Variants in ALK observed in about 807,000 individuals in gnomAD.
ALK encodes the protein ALK tyrosine kinase receptor.
Under a neutral mutation model 163.1 loss-of-function variants are expected in ALK, and 74 were observed. That is an observed-to-expected ratio of 0.45 (90% CI 0.38 to 0.55). The LOEUF (loss-of-function observed/expected upper bound fraction) is 0.55, where lower values mean the gene tolerates loss of function less well. Ranked by LOEUF, ALK falls within the 20% of genes least tolerant of loss-of-function variation. The probability of loss-of-function intolerance (pLI) is 0.00; values close to 1 mark genes in which losing one functional copy is unlikely to be tolerated. For synonymous variants in ALK, 960 were observed against 843.2 expected, an observed-to-expected ratio of 1.14 and a Z score of -2.40; for missense variants, 2,063 against 2,105.3, an observed-to-expected ratio of 0.98 and a Z score of 0.39.
intron 8 of ALK, among the ~76,000 whole-genome samples, chr2:29,314,800 T>C (rs376204770): frequency 1.3e-5 from 2 of 152,126 alleles, no homozygotes; most frequent in East Asian, 3.9e-4. Context: ...ACACGGGGCT[T>C]GTTGAGACAT....
At chr2:29,780,063 G>A (rs1681291168) in intron 1 of ALK, among the ~76,000 whole-genome samples, 2 of 152,220 alleles carry the variant, frequency 1.3e-5, no homozygotes, top group Admixed American at 1.3e-4. Context: ...AACACAGTGA[G>A]TATTGACTCT....
chr2:29,765,940 T>G, intron 1 of ALK, among the ~76,000 whole-genome samples: 1 of 152,206 alleles, frequency 6.6e-6, no homozygotes, highest in East Asian at 1.9e-4. Flanking sequence ...CTTGCGAGCT[T>G]ATGTGAGCTG....
chr2:29,774,897 G>C (rs1681129023), intron 1 of ALK, among the ~76,000 whole-genome samples: 1 of 152,070 alleles, frequency 6.6e-6, no homozygotes, highest in African/African-American at 2.4e-5. Context: ...TTACCAAAAG[G>C]GATGATTCTA....
chr2:29,358,901 G>A (rs1309133006), intron 5 of ALK, among the ~76,000 whole-genome samples: 5 of 151,990 alleles, frequency 3.3e-5, no homozygotes, highest in Non-Finnish European at 5.9e-5. Context: ...ATATACGTTC[G>A]TAAATGATTA....
intron 4 of ALK, among the ~76,000 whole-genome samples, chr2:29,508,096 G>A (rs1672387681): frequency 6.6e-6 from 1 of 152,168 alleles, no homozygotes; most frequent in African/African-American, 2.4e-5. Flanking sequence ...GGAGTGCACT[G>A]AGAAACTGCC....
chr2:29,734,337 C>T (rs2631957), intron 1 of ALK, among the ~76,000 whole-genome samples: 108,658 of 152,064 alleles, frequency 0.71, 40,091 homozygotes, highest in Middle Eastern at 0.82. Context: ...GACTGTCTAA[C>T]GTTTTCAGAT....
intron 1 of ALK, among the ~76,000 whole-genome samples, chr2:29,738,577 A>C (rs1406486983): frequency 6.6e-6 from 1 of 152,078 alleles, no homozygotes; most frequent in Non-Finnish European, 1.5e-5. Flanking sequence ...GACGAGGAGA[A>C]ATATGAGACG....
At chr2:29,791,815 G>A (rs1664197763) in intron 1 of ALK, among the ~76,000 whole-genome samples, 2 of 152,106 alleles carry the variant, frequency 1.3e-5, no homozygotes, top group African/African-American at 4.8e-5. Context: ...CCAAAAGACA[G>A]TCTTTGTCAT....
intron 8 of ALK, among the ~76,000 whole-genome samples, chr2:29,303,092 G>T (rs1666414904): frequency 1.3e-5 from 2 of 152,102 alleles, no homozygotes; most frequent in African/African-American, 2.4e-5. Flanking sequence ...CCTACAGAAT[G>T]GGAGAAAATA....
rs2148121933 is a variant in ALK at position 29,486,566 on chromosome 2, A to T, written c.1154+45349T>A. Among the ~76,000 whole-genome samples, 3 of 152,350 alleles carry T rather than the reference A, an allele frequency of 2.0e-5. No homozygotes were observed. The Middle Eastern group carries it at 0.01, about 518-fold the overall frequency. On this transcript the variant is annotated intron_variant, in intron 4 of 28. Coordinates refer to ENST00000389048, the MANE Select transcript of ALK (RefSeq NM_004304.5). ...CAATGACGTCTTGAAGTCAGCCATT[A>T]ACTGCAAAAGTCAGAGCTGCTTAAG...
intron 1 of ALK, among the ~76,000 whole-genome samples, chr2:29,732,900 GTTTT>G (rs70962236): frequency 6.8e-6 from 1 of 146,614 alleles, no homozygotes; most frequent in Admixed American, 6.7e-5. Context: ...TAGTCTATAG[GTTTT>G]TTTTTTTTTT....
At position 29,193,882 on chromosome 2, in the gene ALK, C is replaced by G. The variant is rs2148139055; in HGVS notation, c.4205G>C (p.Gly1402Ala). Residue 1402 changes from glycine (G) to alanine (A), a missense_variant, in exon 29 of 29, where the codon GGT (glycine) becomes GCT (alanine). By Grantham distance (60) the Gly-to-Ala change is moderately conservative (BLOSUM62 0). Transcript: ENST00000389048. The stretch of plus-strand genomic sequence containing the variant: ...TTTCTCTTCCTCTTCCACAAGTGGA[C>G]CATATTCTATCGGCAAAGCGGTGTT... ...VINTALPIEY[G>A]PLVEEEEKVP... 6.2e-7 allele frequency: 1 copy of G among 1,614,166 alleles called. No homozygotes were observed. Among genetic ancestry groups the G allele is most frequent in the Non-Finnish European group, 8.5e-7 (1 of 1,180,022 alleles).
At chr2:29,348,408 G>C (rs1668016678) in intron 5 of ALK, among the ~76,000 whole-genome samples, 1 of 152,210 alleles carries the variant, frequency 6.6e-6, no homozygotes, top group Admixed American at 6.5e-5. Context: ...GGGCACCCAG[G>C]GGCTCAGCTC....
chr2:29,406,931 C>T (rs1669599692), intron 4 of ALK, among the ~76,000 whole-genome samples: 1 of 149,830 alleles, frequency 6.7e-6, no homozygotes, highest in Non-Finnish European at 1.5e-5. Context: ...ACAGAATTTT[C>T]ATGAAAGATC....
chr2:29,734,549 G>A lies in ALK; in HGVS notation c.668-16852C>T, dbSNP rs1364269399. Among the ~76,000 whole-genome samples, 5 of 152,000 alleles carry A rather than the reference G, an allele frequency of 3.3e-5. No homozygotes were observed. In the East Asian group the frequency reaches 9.6e-4, roughly 29 times the overall value. ...GGGATAGTATCTTTACTATCAAAAT[G>A]AGCAACCTCTTCCCCCATGCTCAAA... is the stretch of plus-strand genomic sequence containing the variant. On this transcript the variant is annotated intron_variant, in intron 1 of 28. Transcript: ENST00000389048.
chr2:29,900,979 A>AAGAGAG (rs372397564), intron 1 of ALK, among the ~76,000 whole-genome samples: 1 of 146,706 alleles, frequency 6.8e-6, no homozygotes, highest in Non-Finnish European at 1.5e-5. Flanking sequence ...GAAAGAAAGA[A>AAGAGAG]AGAGAGAGAG....
intron 7 of ALK, chr2:29,319,081 C>G (rs189140338): frequency 6.6e-6 from 1 of 152,516 alleles, no homozygotes; most frequent in Admixed American, 6.5e-5. Context: ...GAACCCAGGT[C>G]GTCCTGTGCC....
intron 3 of ALK, among the ~76,000 whole-genome samples, chr2:29,595,937 C>T (rs1558401343): frequency 6.6e-6 from 1 of 152,178 alleles, no homozygotes. Flanking sequence ...GATAAGGTGT[C>T]GTGCTCCAGT....
intron 1 of ALK, among the ~76,000 whole-genome samples, chr2:29,885,071 A>G (rs1487854676): frequency 6.6e-6 from 1 of 152,214 alleles, no homozygotes; most frequent in African/African-American, 2.4e-5. Flanking sequence ...GAGTTATACA[A>G]GAAGGCCTAG....
Sources: gnomAD v4.1 joint callset for allele counts (sites outside exome capture counted in the v4.1 genomes callset) on GRCh38, gnomAD v4.1.1 for gene constraint, MANE v1.5 for transcripts, NCBI Gene and HGNC (gene_info 2026-07-23, HGNC 2026-07-21) for gene names.